The following OLFM1 variants were observed in gnomAD, a reference collection of about 807,000 sequenced individuals.
The protein encoded by OLFM1 is olfactomedin 1.
Under a neutral mutation model 49.7 loss-of-function variants are expected in OLFM1, and 9 were observed. The ratio of observed to expected loss-of-function variants is 0.18; its 90% CI spans 0.11 to 0.32. OLFM1 has a LOEUF of 0.32. Ranked by LOEUF, OLFM1 falls within the 10% of genes least tolerant of loss-of-function variation. The pLI, the probability that OLFM1 is intolerant of heterozygous loss-of-function variation, is 1.00. For missense variants in OLFM1, 369 were observed against 661.8 expected, an observed-to-expected ratio of 0.56 and a Z score of 4.85; for synonymous variants, 240 against 271.8, an observed-to-expected ratio of 0.88 and a Z score of 1.15.
chr9:135,090,034 C>G (rs1170732202), intron 1 of OLFM1, among the ~76,000 whole-genome samples, 161 bp from the exon 2 acceptor site: 1 of 152,190 alleles, frequency 6.6e-6, no homozygotes, highest in Non-Finnish European at 1.5e-5. Flanking sequence ...TCCCAGGGAC[C>G]CTTTCTTCCC....
chr9:135,106,530 C>T, intron 4 of OLFM1: 1 of 564,090 alleles, frequency 1.8e-6, no homozygotes, highest in Non-Finnish European at 3.2e-6. Flanking sequence ...GCTATCCTGG[C>T]CACAGCTGCT....
At chr9:135,115,661 C>G (rs376782636) in intron 5 of OLFM1, among the ~76,000 whole-genome samples, 1 of 152,326 alleles carries the variant, frequency 6.6e-6, no homozygotes, top group East Asian at 1.9e-4. Context: ...TCAAGACAAT[C>G]GAACTGTTTC....
chr9:135,094,544 C>T (rs986907868), intron 2 of OLFM1, among the ~76,000 whole-genome samples: 4 of 152,014 alleles, frequency 2.6e-5, no homozygotes, highest in Non-Finnish European at 5.9e-5. Flanking sequence ...TTCCGTTTCT[C>T]GGGGAAGAGA....
chr9:135,095,245 T>C (rs2119113287), intron 2 of OLFM1: 1 of 152,346 alleles, frequency 6.6e-6, no homozygotes, highest in South Asian at 2.1e-4. Context: ...GTCATCTACC[T>C]ATGATACTGT....
At chr9:135,076,531 C>T in intron 1 of OLFM1, 2 of 1,223,242 alleles carry the variant, frequency 1.6e-6, no homozygotes, top group South Asian at 1.7e-5. Context: ...TTGGAGCTGG[C>T]AGGTCTTGGG....
chr9:135,077,236 C>T, intron 1 of OLFM1: 1 of 1,496,126 alleles, frequency 6.7e-7, no homozygotes, highest in Non-Finnish European at 8.9e-7. Flanking sequence ...GCAAGCTGCC[C>T]CACAAAGGGC....
intron 1 of OLFM1, among the ~76,000 whole-genome samples, chr9:135,081,952 C>G (rs984158386): frequency 1.3e-5 from 2 of 152,166 alleles, no homozygotes; most frequent in Admixed American, 6.5e-5. Flanking sequence ...GAATCCGCTG[C>G]GTTCGAACTG....
chr9:135,079,981 C>G (rs911847642), intron 1 of OLFM1, among the ~76,000 whole-genome samples: 3 of 151,892 alleles, frequency 2.0e-5, no homozygotes, highest in Non-Finnish European at 4.4e-5. Flanking sequence ...GTGGGCAGAC[C>G]CGGGACTGCA....
In OLFM1 at chr9:135,091,595, ACACT is replaced by A. The variant is rs1233929209; in HGVS notation, c.300+1255_300+1258del. ...CACACAGTCACACACTCACAGTCAC[ACACT>A]CACACATAGTCACACAGTCACACAC... On this transcript the variant is annotated intron_variant, in intron 2 of 5. Transcript: ENST00000371793. Among the ~76,000 whole-genome samples the A allele has an allele frequency of 1.1e-4, 17 of 150,642 alleles. No homozygotes were observed. In the East Asian group the frequency reaches 1.4e-3, roughly 12 times the overall value.
rs551908924 is a variant in OLFM1 at position 135,076,438 on chromosome 9, T to C, written c.96+636T>C. 33 of 1,448,664 alleles carry C rather than the reference T, an allele frequency of 2.3e-5. No individual in the cohort carries two copies. In the African/African-American group the frequency reaches 4.3e-4, roughly 19 times the overall value. 89.7% of individuals were successfully genotyped at this position (1,448,664 alleles called of 1,614,324 possible). Reference sequence around the variant, plus strand: ...CGTGCTGGTGTGGGGATCGTGGGCATTTCAAACGGGCTTGTCGTACCCTGA... The same window carrying C: ...CGTGCTGGTGTGGGGATCGTGGGCACTTCAAACGGGCTTGTCGTACCCTGA... On this transcript the variant is annotated intron_variant, in intron 1 of 5. Transcript: ENST00000252854.
chr9:135,095,890 G>C lies in OLFM1; in HGVS notation c.327G>C (p.Glu109Asp). Residue 109 changes from glutamate (E) to aspartate (D), a missense_variant, in exon 3 of 6, where the codon GAG becomes GAC. By Grantham distance (45) the Glu-to-Asp change is conservative. Coordinates refer to ENST00000371793, the MANE Select transcript of OLFM1 (RefSeq NM_001282611.2). ...EKVQNMSQSI[E>D]VLDRRTQRDL... Reference sequence around the variant, plus strand: ...TGCAGAACATGTCTCAATCCATAGAGGTCTTGGACAGGCGGACCCAGAGAG... The same window carrying C: ...TGCAGAACATGTCTCAATCCATAGACGTCTTGGACAGGCGGACCCAGAGAG... 6.2e-7 allele frequency: 1 copy of C among 1,613,130 alleles called. No homozygotes were observed. The highest frequency in any genetic ancestry group is 8.5e-7 in the Non-Finnish European group (1 of 1,179,546).
At chr9:135,108,688 A>G (rs1490594155) in intron 5 of OLFM1, among the ~76,000 whole-genome samples, 1 of 151,782 alleles carries the variant, frequency 6.6e-6, no homozygotes. Flanking sequence ...GTGCTGTCCA[A>G]AGCACTTTCT....
At position 135,098,598 on chromosome 9, in the gene OLFM1, G is replaced by A. The variant is rs755171077; in HGVS notation, c.676+93G>A. 6 of 1,164,880 alleles carry A rather than the reference G, an allele frequency of 5.2e-6. No homozygotes were observed. Among genetic ancestry groups the A allele is most frequent in the African/African-American group, 4.6e-5 (3 of 65,720 alleles). The allele number at this position is 1,164,880 out of a possible 1,614,324, so 72.2% of individuals were successfully genotyped here. ...AGTGGTGCTGAAGTGGACAGCGCCC[G>A]CCTGGCTTCGCGAGGTGATGGCTGG... On this transcript the variant is annotated intron_variant, in intron 4 of 5. Transcript: ENST00000371793. This position sits in a 1 kb window ranked among gnomAD's most constrained non-coding sequence, Gnocchi z 5.6.
At chr9:135,092,031 G>T (rs986207122) in intron 2 of OLFM1, among the ~76,000 whole-genome samples, 1 of 152,220 alleles carries the variant, frequency 6.6e-6, no homozygotes, top group South Asian at 2.1e-4. Context: ...TGTGAGGGGC[G>T]GGGGGCCTCT....
At chr9:135,084,339 A>ATC (rs751548198), upstream of OLFM1, among the ~76,000 whole-genome samples, 140 of 129,774 alleles carry the variant, frequency 1.1e-3, 2 homozygotes, top group African/African-American at 4.2e-3. This position sits in a 1 kb window ranked among gnomAD's most constrained non-coding sequence, Gnocchi z 4.6. Flanking sequence ...TCTGTCTCTC[A>ATC]TCTCTCTCTC....
rs1392703795 is a variant in OLFM1 at position 135,088,240 on chromosome 9, C to A, written c.150+101C>A. The stretch of plus-strand genomic sequence containing the variant: ...GGCTGGGCGGGCGCCGCGCGGGACC[C>A]GAGTCGCCCAGGGAGGCGGCGGGGA... On this transcript the variant is annotated intron_variant, in intron 1 of 5. Transcript: ENST00000371793. The surrounding 1 kb of genome is among the most constrained non-coding windows in gnomAD (Gnocchi z 4.8). 2 of 1,121,356 alleles carry A rather than the reference C, an allele frequency of 1.8e-6. No homozygotes were observed. Among genetic ancestry groups the A allele is most frequent in the South Asian group, 4.4e-5 (1 of 22,836 alleles). 69.5% of individuals were successfully genotyped at this position (1,121,356 alleles called of 1,614,324 possible).
chr9:135,078,083 G>A (rs1030282560), intron 1 of OLFM1, among the ~76,000 whole-genome samples: 9 of 152,194 alleles, frequency 5.9e-5, no homozygotes, highest in Non-Finnish European at 2.9e-5. Context: ...GCTACTGGGG[G>A]ACATCCATCC....
At position 135,113,249 on chromosome 9, in the gene OLFM1, G is replaced by A. The variant is rs1024860647; in HGVS notation, c.784-6255G>A. ...GTCTTGCTGCATCCTGGGCTAGTCC[G>A]GAGGCCAAGCCCCCTGTGGTCTCGG... On this transcript the variant is annotated intron_variant, in intron 5 of 5. Transcript: ENST00000371793. This position sits in a 1 kb window ranked among gnomAD's most constrained non-coding sequence, Gnocchi z 4.0. Among the ~76,000 whole-genome samples the A allele has an allele frequency of 5.9e-5, 9 of 152,058 alleles. No individual in the cohort carries two copies. The highest frequency in any genetic ancestry group is 3.3e-4 in the Admixed American group (5 of 15,280).
chr9:135,101,622 CT>C (rs1250934908), intron 4 of OLFM1, among the ~76,000 whole-genome samples: 9 of 152,244 alleles, frequency 5.9e-5, no homozygotes, highest in Non-Finnish European at 1.5e-5. Flanking sequence ...GCCGGTTCCC[CT>C]GGAGCAAGTC....
Sources: allele counts gnomAD v4.1 joint callset (sites outside exome capture counted in the v4.1 genomes callset), GRCh38; gene constraint gnomAD v4.1.1; non-coding constraint Gnocchi (gnomAD v3.1); transcripts MANE v1.5; gene names NCBI Gene and HGNC (gene_info 2026-07-23, HGNC 2026-07-21).